CR1: variants seen among roughly 807,000 people sequenced by gnomAD.
CR1 encodes complement receptor type 1.
Under a neutral mutation model 187.3 loss-of-function variants are expected in CR1, and 116 were observed. The ratio of observed to expected loss-of-function variants is 0.62; its 90% CI spans 0.53 to 0.72. CR1 has a LOEUF of 0.72. Among genes scored for constraint, CR1 ranks in the 30% least tolerant of loss-of-function variants. The probability of loss-of-function intolerance (pLI) is 0.00; values close to 1 mark genes in which losing one functional copy is unlikely to be tolerated. For synonymous variants in CR1, 576 were observed against 747.1 expected (o/e 0.77, Z 3.73); for missense variants, 1,731 against 2,110.7 (o/e 0.82, Z 3.52).
At position 207,581,930 on chromosome 1, in the gene CR1, G is replaced by A. The variant is rs769052763; in HGVS notation, c.5229G>A (p.Lys1743=). 2 of 1,613,066 alleles carry A rather than the reference G, an allele frequency of 1.2e-6. No individual in the cohort carries two copies. Among genetic ancestry groups the A allele is most frequent in the Non-Finnish European group, 1.7e-6 (2 of 1,179,216 alleles). The change falls in exon 32 of 47, where the codon AAG becomes AAA. Residue 1743 remains lysine, a synonymous_variant. Transcript: ENST00000367049. ...SFVCDEGFRL[K]GSSVSHCVLV... The stretch of plus-strand genomic sequence containing the variant: ...CTTTGTTCTTTAGGTTTCGCTTAAA[G>A]GGCAGTTCCGTTAGTCATTGTGTCT...
intron 3 of CR1, among the ~76,000 whole-genome samples, chr1:207,509,323 T>C (rs1659544945): frequency 6.6e-6 from 1 of 152,066 alleles, no homozygotes; most frequent in South Asian, 2.1e-4. Flanking sequence ...TCCACAACTC[T>C]CTCTTCCCCA....
rs777708656 is a variant in CR1 at position 207,565,937 on chromosome 1, G to A, written c.3952+14G>A. 21 of 1,610,858 alleles carry A rather than the reference G, an allele frequency of 1.3e-5. No individual in the cohort carries two copies. In the East Asian group the frequency reaches 2.2e-4, roughly 17 times the overall value. On this transcript the variant is annotated intron_variant, in intron 24 of 46. Coordinates refer to ENST00000367049, the MANE Select transcript of CR1 (RefSeq NM_000651.6). ...CAGTGTGTGAACGTGAGTAATAGGA[G>A]CAACATTTCAGGCCAATCTCTCCCC...
chr1:207,619,585 G>A (rs1662254908), intron 42 of CR1, among the ~76,000 whole-genome samples: 1 of 152,092 alleles, frequency 6.6e-6, no homozygotes, highest in Admixed American at 6.6e-5. Context: ...TGGCTCCAGG[G>A]CTAGATCACC....
chr1:207,599,317 A>G (rs532679654), intron 35 of CR1, among the ~76,000 whole-genome samples: 2 of 152,358 alleles, frequency 1.3e-5, no homozygotes, highest in African/African-American at 4.8e-5. Flanking sequence ...TCATGTTTTC[A>G]CAGTCACATT....
chr1:207,632,254 T>G (rs1662666895), intron 46 of CR1, among the ~76,000 whole-genome samples: 1 of 152,228 alleles, frequency 6.6e-6, no homozygotes. Context: ...TTTTGAAGCT[T>G]TAATGTTTAT....
chr1:207,626,626 T>C (rs1662487478), intron 45 of CR1, among the ~76,000 whole-genome samples: 2 of 152,234 alleles, frequency 1.3e-5, no homozygotes, highest in South Asian at 4.1e-4. Flanking sequence ...TAGAACAAGA[T>C]GGCCTGCTCT....
Position 207,622,979 on chromosome 1 carries a change from G to A in CR1, c.7277-14G>A. 1 of 1,548,172 alleles carries A rather than the reference G, an allele frequency of 6.5e-7. No homozygotes were observed. Among genetic ancestry groups the A allele is most frequent in the Non-Finnish European group, 8.8e-7 (1 of 1,138,716 alleles). On this transcript the variant is annotated splice_polypyrimidine_tract_variant and intron_variant, in intron 44 of 46. Transcript: ENST00000367049. ...TATTTTCCATGCATTTAATTACCTTGTTTTACTGCCTAGGCACTTTATCTG... is the reference window on the plus strand; with the variant it reads ...TATTTTCCATGCATTTAATTACCTTATTTTACTGCCTAGGCACTTTATCTG...
At chr1:207,594,184 C>G (rs1661360063) in intron 35 of CR1, among the ~76,000 whole-genome samples, 1 of 152,114 alleles carries the variant, frequency 6.6e-6, no homozygotes, top group Non-Finnish European at 1.5e-5. Context: ...TTCACAATAG[C>G]AAAGACTTGG....
rs1662960176 is a variant in CR1, at chr1:207,640,780, T to A, written c.*1371T>A. ...ATTTAATAATAGCTTTATATATGAC[T>A]AATGCTCATTTCTATGTAATTCTGT... On this transcript the variant is annotated 3_prime_UTR_variant, in exon 47 of 47. Transcript: ENST00000367049. 1 of 152,242 alleles carries A rather than the reference T, an allele frequency of 6.6e-6. No individual in the cohort carries two copies. Among genetic ancestry groups the A allele is most frequent in the Non-Finnish European group, 1.5e-5 (1 of 68,036 alleles). The allele number at this position is 152,242 out of a possible 1,614,324, so 9.4% of individuals were successfully genotyped here.
chr1:207,617,602 TATATATATATAGAG>T (rs1416111130), intron 41 of CR1, among the ~76,000 whole-genome samples: 4 of 30,148 alleles, frequency 1.3e-4, no homozygotes, highest in African/African-American at 2.1e-4. Context: ...TATATATATA[TATATATATATAGAG>T]AGAGAGAGAG....
At chr1:207,522,023 G>C (rs1660014130) in intron 4 of CR1, among the ~76,000 whole-genome samples, 1 of 151,880 alleles carries the variant, frequency 6.6e-6, no homozygotes, top group African/African-American at 2.4e-5. Context: ...CCCTTGAACA[G>C]GTCTGTAGTT....
In CR1 at chr1:207,515,326, A is replaced by G. The variant is rs1432260351; in HGVS notation, c.487+3672A>G. Among the ~76,000 whole-genome samples the G allele has an allele frequency of 3.3e-5, 5 of 150,452 alleles. No homozygotes were observed. The East Asian group carries it at 9.7e-4, about 29-fold the overall frequency. Reference sequence around the variant, plus strand: ...ACACTATATATATATACACATATATATAGTGTGTATATATGCACACATCTT... The same window carrying G: ...ACACTATATATATATACACATATATGTAGTGTGTATATATGCACACATCTT... On this transcript the variant is annotated intron_variant, in intron 4 of 46. Transcript: ENST00000367049.
At chr1:207,512,798 G>A (rs1659662603) in intron 4 of CR1, among the ~76,000 whole-genome samples, 1 of 152,152 alleles carries the variant, frequency 6.6e-6, no homozygotes, top group South Asian at 2.1e-4. Context: ...AAAAAGATTA[G>A]TAAAATAGAG....
In CR1 at chr1:207,580,589, A is replaced by C. The variant is rs755846047; in HGVS notation, c.5192A>C (p.Lys1731Thr). The C allele has an allele frequency of 6.2e-7, 1 of 1,613,218 alleles. No homozygotes were observed. Among genetic ancestry groups the C allele is most frequent in the Non-Finnish European group, 8.5e-7 (1 of 1,179,746 alleles). ...CCACTTAATCTCCAGCTTGGGGCAAAGGTGTCCTTTGTCTGTGATGAAGGG... is the reference window on the plus strand; with the variant it reads ...CCACTTAATCTCCAGCTTGGGGCAACGGTGTCCTTTGTCTGTGATGAAGGG... The part of the protein sequence containing the change: ...LFPLNLQLGA[K>T]VSFVCDEGFR... The change falls in exon 31 of 47, where the codon AAG (lysine) becomes ACG (threonine). Residue 1731 changes from lysine to threonine, a missense_variant. By Grantham distance (78) the Lys-to-Thr change is moderately conservative (BLOSUM62 -1). Transcript: ENST00000367049.
chr1:207,566,058 T>C, intron 24 of CR1, 135 bp downstream of exon 24: 4 of 1,241,108 alleles, frequency 3.2e-6, no homozygotes, highest in Admixed American at 2.3e-5. Context: ...ATTTTAATAA[T>C]GTTTGGTTGT....
At chr1:207,590,658 C>T (rs1661242954) in intron 35 of CR1, among the ~76,000 whole-genome samples, 1 of 152,212 alleles carries the variant, frequency 6.6e-6, no homozygotes, top group African/African-American at 2.4e-5. Flanking sequence ...TTAAAAGACA[C>T]TGACTGGCAA....
chr1:207,584,741 A>G lies in CR1; in HGVS notation c.5395A>G (p.Thr1799Ala). The G allele has an allele frequency of 6.2e-7, 1 of 1,613,892 alleles. No homozygotes were observed. The highest frequency in any genetic ancestry group is 8.5e-7 in the Non-Finnish European group (1 of 1,179,820). Residue 1799 changes from threonine (T) to alanine (A), a missense_variant, in exon 33 of 47, where the codon ACA becomes GCA. Around this residue, in one of 5 missense-constraint regions of CR1, gnomAD observed 1,312 missense variants for 1,379.6 expected, o/e 0.95. Transcript: ENST00000367049. The part of the protein sequence containing the change: ...DIPYGKEISY[T>A]CDPHPDRGMT... Reference sequence around the variant, plus strand: ...TCCCTATGGAAAAGAAATATCTTACACATGTGACCCCCACCCAGACAGAGG... The same window carrying G: ...TCCCTATGGAAAAGAAATATCTTACGCATGTGACCCCCACCCAGACAGAGG...
chr1:207,639,320 C>A, intron 46 of CR1, 77 bp from the exon 47 acceptor site: 1 of 1,354,572 alleles, frequency 7.4e-7, no homozygotes. Flanking sequence ...ATATCCAAAG[C>A]TTATCAGCCT....
intron 36 of CR1, 137 bp from the exon 37 acceptor site, chr1:207,609,153 A>C: frequency 1.1e-6 from 1 of 934,706 alleles, no homozygotes; most frequent in African/African-American, 1.7e-5. Flanking sequence ...GATTATTAGC[A>C]AATATTTTAA....
Sources: allele counts gnomAD v4.1 joint callset (sites outside exome capture counted in the v4.1 genomes callset), GRCh38; gene constraint gnomAD v4.1.1; regional missense constraint gnomAD v4.1.1; transcripts MANE v1.5; gene names NCBI Gene and HGNC (gene_info 2026-07-23, HGNC 2026-07-21).